SHROOM2: variants seen among roughly 807,000 people sequenced by gnomAD.
The protein encoded by SHROOM2 is protein Shroom2.
Under a neutral mutation model 75.9 loss-of-function variants are expected in SHROOM2, and 33 were observed. That is an observed-to-expected ratio of 0.43 (90% CI 0.33 to 0.58). SHROOM2 has a LOEUF of 0.58. Ranked by LOEUF, SHROOM2 falls within the 20% of genes least tolerant of loss-of-function variation. The pLI, the probability that SHROOM2 is intolerant of heterozygous loss-of-function variation, is 0.04. For missense variants in SHROOM2, 1,434 were observed against 1,461.2 expected (o/e 0.98, Z 0.30); for synonymous variants, 655 against 663.6 (o/e 0.99, Z 0.20).
chrX:9,898,747 GCAGGCCTT>G (rs897282266), intron 5 of SHROOM2, among the ~76,000 whole-genome samples: 2 of 111,750 alleles, frequency 1.8e-5, no homozygotes, highest in Non-Finnish European at 3.8e-5. Context: ...AAGGAACAGG[GCAGGCCTT>G]CCTAAATTGG....
At chrX:9,786,900 C>T (rs1005413546) in intron 1 of SHROOM2, among the ~76,000 whole-genome samples, 190 bp downstream of exon 1, 1 of 111,897 alleles carries the variant, frequency 8.9e-6, no homozygotes, top group African/African-American at 3.2e-5. Flanking sequence ...TTCCCCGCGC[C>T]TCGCAGAGTT....
At chrX:9,848,161 G>A (rs1470567668) in intron 1 of SHROOM2, among the ~76,000 whole-genome samples, 2 of 112,128 alleles carry the variant, frequency 1.8e-5, no homozygotes, top group East Asian at 5.6e-4. Context: ...ACCTGAATTT[G>A]TGTATCCCTT....
chrX:9,908,944 A>AAAATAAATAAATAAATAAAT (rs57235803), intron 5 of SHROOM2, among the ~76,000 whole-genome samples: 16,550 of 102,741 alleles, frequency 0.16, 1,687 homozygotes, highest in East Asian at 0.52. Context: ...CCCTCTCTCA[A>AAAATAAATAAATAAATAAAT]AAATAAATAA....
rs1405337969 is a variant in SHROOM2, at chrX:9,937,439, C to T, written c.3893C>T (p.Pro1298Leu). ...VPPEKDRCTS[P>L]PGLSYMKAKE... ...CCCGAGAAAGACCGCTGCACCTCCCCTCCAGGGCTCAGCTACATGAAGGCC... is the reference window on the plus strand; with the variant it reads ...CCCGAGAAAGACCGCTGCACCTCCCTTCCAGGGCTCAGCTACATGAAGGCC... The change falls in exon 7 of 10, where the codon CCT becomes CTT. Residue 1298 changes from proline to leucine, a missense_variant. This residue lies in a region of SHROOM2 where 1,340 missense variants were observed against 1,338.3 expected (regional missense o/e 1.00). Transcript: ENST00000380913. 8.3e-7 allele frequency: 1 copy of T among 1,209,462 alleles called. No individual in the cohort carries two copies. Among genetic ancestry groups the T allele is most frequent in the East Asian group, 3.0e-5 (1 of 33,729 alleles).
intron 6 of SHROOM2, among the ~76,000 whole-genome samples, chrX:9,934,897 C>T (rs999677956): frequency 4.5e-5 from 5 of 110,805 alleles, no homozygotes; most frequent in Non-Finnish European, 7.6e-5. Context: ...CTCAGCCTCC[C>T]GAGTAGCTGG....
rs2084317129 is a variant in SHROOM2 at position 9,894,991 on chromosome X, G to A, written c.1083G>A (p.Arg361=). Residue 361 remains arginine (R), a synonymous_variant, in exon 4 of 10, where the codon CGG becomes CGA. Coordinates refer to ENST00000380913, the MANE Select transcript of SHROOM2 (RefSeq NM_001649.4). ...CCCAGGCTCAGCCTCGTGGTGACCG[G>A]AGACCAGAGCTCACCGATCGGCCTT... is the stretch of plus-strand genomic sequence containing the variant. ...ALAQAQPRGD[R]RPELTDRPWR... is the part of the protein sequence containing the mutation. 1 of 1,209,159 alleles carries A rather than the reference G, an allele frequency of 8.3e-7. No individual in the cohort carries two copies. Among genetic ancestry groups the A allele is most frequent in the Non-Finnish European group, 1.1e-6 (1 of 894,874 alleles).
intron 2 of SHROOM2, among the ~76,000 whole-genome samples, chrX:9,882,739 G>A (rs2084239127): frequency 8.9e-6 from 1 of 111,937 alleles, no homozygotes; most frequent in Non-Finnish European, 1.9e-5. Context: ...CTGGCCAGGT[G>A]GAGAGCAACT....
At chrX:9,848,510 C>CAAAA (rs774991614) in intron 1 of SHROOM2, among the ~76,000 whole-genome samples, 308 of 21,999 alleles carry the variant, frequency 0.014, 24 homozygotes, top group African/African-American at 0.046. Flanking sequence ...GACTCCGTCT[C>CAAAA]AAAAAAAAAA....
intron 1 of SHROOM2, among the ~76,000 whole-genome samples, chrX:9,857,778 C>G (rs1314322897): frequency 9.0e-6 from 1 of 111,173 alleles, no homozygotes; most frequent in Non-Finnish European, 1.9e-5. Context: ...TCCAGATTTT[C>G]AGCTGCATTA....
chrX:9,814,781 T>C (rs1005460651), intron 1 of SHROOM2, among the ~76,000 whole-genome samples: 16 of 111,812 alleles, frequency 1.4e-4, no homozygotes, highest in South Asian at 7.5e-4. Context: ...TCATCAGGGT[T>C]CTCCCTCACC....
At chrX:9,799,523 A>T (rs1487701334) in intron 1 of SHROOM2, among the ~76,000 whole-genome samples, 1 of 111,308 alleles carries the variant, frequency 9.0e-6, no homozygotes, top group African/African-American at 3.3e-5. Context: ...TTAATTAAGA[A>T]TTTTTAATTT....
chrX:9,876,954 C>T (rs776446980), intron 2 of SHROOM2, among the ~76,000 whole-genome samples: 1 of 112,316 alleles, frequency 8.9e-6, no homozygotes, highest in African/African-American at 3.2e-5. Flanking sequence ...TCGCACCTGG[C>T]CTCTCCATGG....
At chrX:9,819,781 C>T (rs1250106376) in intron 1 of SHROOM2, among the ~76,000 whole-genome samples, 1 of 107,944 alleles carries the variant, frequency 9.3e-6, no homozygotes, top group Non-Finnish European at 1.9e-5. Flanking sequence ...TCCACCCTGC[C>T]AGTTTATCTT....
intron 1 of SHROOM2, among the ~76,000 whole-genome samples, chrX:9,822,224 C>G (rs7049422): frequency 0.066 from 7,318 of 111,361 alleles, 587 homozygotes; most frequent in African/African-American, 0.22. Flanking sequence ...GGGAGAAACT[C>G]ACATGGTGTT....
At chrX:9,842,408 G>A (rs900904120) in intron 1 of SHROOM2, among the ~76,000 whole-genome samples, 2 of 112,389 alleles carry the variant, frequency 1.8e-5, no homozygotes, top group Non-Finnish European at 3.8e-5. Context: ...CTGACAGATC[G>A]CTCTGAGACA....
chrX:9,864,629 TAAAAAAA>T (rs201106048), intron 1 of SHROOM2, among the ~76,000 whole-genome samples: 1 of 99,346 alleles, frequency 1.0e-5, no homozygotes, highest in Non-Finnish European at 2.1e-5. Flanking sequence ...CCATCCCGGC[TAAAAAAA>T]AAAACGGTGA....
intron 1 of SHROOM2, among the ~76,000 whole-genome samples, chrX:9,849,447 C>T (rs935248367): frequency 4.5e-5 from 5 of 111,983 alleles, no homozygotes; most frequent in African/African-American, 1.6e-4. Context: ...CTGCAGCTTC[C>T]CTATGGGGGT....
At chrX:9,921,190 C>T (rs1223498439) in intron 5 of SHROOM2, among the ~76,000 whole-genome samples, 1 of 111,689 alleles carries the variant, frequency 9.0e-6, no homozygotes, top group African/African-American at 3.3e-5. Context: ...GTTGGCTTCC[C>T]CGCTGTGAGT....
At chrX:9,792,022 AATAG>A (rs2083654701) in intron 1 of SHROOM2, among the ~76,000 whole-genome samples, 1 of 94 alleles carries the variant, frequency 0.011, no homozygotes, top group Admixed American at 0.25. Context: ...AATAGAATAG[AATAG>A]AATAGAATAG....
Sources: gnomAD v4.1 joint callset for allele counts (sites outside exome capture counted in the v4.1 genomes callset) on GRCh38, gnomAD v4.1.1 for gene constraint, gnomAD v4.1.1 regional missense constraint, MANE v1.5 for transcripts, NCBI Gene and HGNC (gene_info 2026-07-23, HGNC 2026-07-21) for gene names.